The following DPYD variants were observed in gnomAD, a reference collection of about 807,000 sequenced individuals.
The protein encoded by DPYD is dihydropyrimidine dehydrogenase [NADP(+)].
Under a neutral mutation model 116.2 loss-of-function variants are expected in DPYD, and 109 were observed. That is an observed-to-expected ratio of 0.94 (90% CI 0.80 to 1.10). The LOEUF (loss-of-function observed/expected upper bound fraction) is 1.10, where lower values mean the gene tolerates loss of function less well. DPYD is among the 50% of genes least tolerant of loss of function. The pLI is 0.00. For missense variants in DPYD, 1,302 were observed against 1,254.5 expected (o/e 1.04, Z -0.57); for synonymous variants, 440 against 432.0 (o/e 1.02, Z -0.23).
intron 2 of DPYD, among the ~76,000 whole-genome samples, chr1:97,879,273 A>AT (rs35619235): frequency 1.8e-4 from 27 of 150,952 alleles, no homozygotes; most frequent in African/African-American, 2.4e-4. Context: ...TTCTCATTGT[A>AT]TTTTTTTTTA....
chr1:97,760,102 A>G (rs549150834), intron 3 of DPYD, among the ~76,000 whole-genome samples: 8 of 152,172 alleles, frequency 5.3e-5, no homozygotes, highest in Non-Finnish European at 1.0e-4. Context: ...GAGGCATAGA[A>G]TATAGAAGTA....
At chr1:97,362,388 C>A (rs544244059) in intron 16 of DPYD, among the ~76,000 whole-genome samples, 1 of 152,124 alleles carries the variant, frequency 6.6e-6, no homozygotes, top group Admixed American at 6.5e-5. Flanking sequence ...CAAGGTAATT[C>A]ATAGAATCAA....
chr1:97,215,827 A>T lies in DPYD; in HGVS notation c.2442+19025T>A, dbSNP rs1660344693. ...GTGTGGTATAAGATACTTGTGACTGAAAGTGACCTAAGCATTCTTTTTGCC... is the reference window on the plus strand; with the variant it reads ...GTGTGGTATAAGATACTTGTGACTGTAAGTGACCTAAGCATTCTTTTTGCC... On this transcript the variant is annotated intron_variant, in intron 19 of 22. Coordinates refer to ENST00000370192, the MANE Select transcript of DPYD (RefSeq NM_000110.4). Among the ~76,000 whole-genome samples, 2 of 152,194 alleles carry T rather than the reference A, an allele frequency of 1.3e-5. 1 individual carries two copies. Among genetic ancestry groups the T allele is most frequent in the South Asian group, 4.1e-4 (2 of 4,830 alleles).
chr1:97,344,347 A>G (rs532055434), intron 16 of DPYD, among the ~76,000 whole-genome samples: 115 of 152,026 alleles, frequency 7.6e-4, no homozygotes, highest in Non-Finnish European at 3.4e-4. Context: ...GTACCATTTC[A>G]TAACTCAGAA....
intron 5 of DPYD, chr1:97,721,060 T>A (rs1211948312): frequency 2.3e-6 from 3 of 1,300,508 alleles, no homozygotes; most frequent in Non-Finnish European, 2.1e-6. Flanking sequence ...ATAACATTAC[T>A]TAGTTTCAGG....
intron 3 of DPYD, among the ~76,000 whole-genome samples, chr1:97,814,960 G>A (rs1350463532): frequency 1.5e-5 from 2 of 137,050 alleles, no homozygotes; most frequent in East Asian, 2.1e-4. Context: ...AAAGAAAGGA[G>A]AGAAAGAAAG....
At chr1:97,610,216 G>T (rs1159222560) in intron 8 of DPYD, among the ~76,000 whole-genome samples, 1 of 151,852 alleles carries the variant, frequency 6.6e-6, no homozygotes, top group African/African-American at 2.4e-5. Flanking sequence ...CTTAAAAACA[G>T]CAAAATATTG....
intron 18 of DPYD, among the ~76,000 whole-genome samples, chr1:97,269,043 G>A (rs1177460180): frequency 1.3e-5 from 2 of 152,020 alleles, no homozygotes; most frequent in East Asian, 3.9e-4. Context: ...ATAGCACCTT[G>A]AATGCTTTGT....
rs1661825564 is a variant in DPYD, at chr1:97,704,794, C to A, written c.484-5247G>T. Among the ~76,000 whole-genome samples the A allele has an allele frequency of 2.0e-5, 3 of 151,796 alleles. No homozygotes were observed. The South Asian group carries it at 6.2e-4, about 31-fold the overall frequency. ...CAAATGTCAGTTGTCCATCAACTGACTAATATTCTATGATTTAATTTTTAA... is the reference window on the plus strand; with the variant it reads ...CAAATGTCAGTTGTCCATCAACTGAATAATATTCTATGATTTAATTTTTAA... On this transcript the variant is annotated intron_variant, in intron 5 of 22. Transcript: ENST00000370192.
intron 17 of DPYD, 69 bp downstream of exon 17, chr1:97,306,108 T>C: frequency 6.2e-7 from 1 of 1,607,900 alleles, no homozygotes; most frequent in Non-Finnish European, 8.5e-7. Flanking sequence ...AAAGACATAC[T>C]TGAGTATGGC....
At chr1:97,240,868 G>A (rs1210086017) in intron 18 of DPYD, among the ~76,000 whole-genome samples, 1 of 151,756 alleles carries the variant, frequency 6.6e-6, no homozygotes. Context: ...TAAATACATG[G>A]GACACACCTA....
chr1:97,910,409 T>C (rs1209323004), intron 1 of DPYD, among the ~76,000 whole-genome samples: 1 of 152,094 alleles, frequency 6.6e-6, no homozygotes, highest in Non-Finnish European at 1.5e-5. Flanking sequence ...AAACAATAGG[T>C]GGTAGCCATT....
Position 97,722,229 on chromosome 1 carries a change from G to C in DPYD, c.322-558C>G, listed in dbSNP as rs550144350. ...CAAAAGGAAGAATTGCATCTGACCAGTACTCCTGAAAACAATCAAGTACAT... is the reference window on the plus strand; with the variant it reads ...CAAAAGGAAGAATTGCATCTGACCACTACTCCTGAAAACAATCAAGTACAT... On this transcript the variant is annotated intron_variant, in intron 4 of 22. Coordinates refer to ENST00000370192, the MANE Select transcript of DPYD (RefSeq NM_000110.4). 2.0e-5 allele frequency among the ~76,000 whole-genome samples: 3 copies of C among 151,624 alleles called. No individual in the cohort carries two copies. The South Asian group carries it at 6.2e-4, about 31-fold the overall frequency.
chr1:97,454,583 T>C (rs146407040), intron 13 of DPYD, among the ~76,000 whole-genome samples: 1 of 152,040 alleles, frequency 6.6e-6, no homozygotes, highest in African/African-American at 2.4e-5. Flanking sequence ...AAGGAAGTGT[T>C]AGGTAATATC....
intron 8 of DPYD, among the ~76,000 whole-genome samples, chr1:97,667,175 G>T (rs1231750053): frequency 6.6e-6 from 1 of 152,042 alleles, no homozygotes; most frequent in East Asian, 1.9e-4. Context: ...AAATTTTGTA[G>T]ACAACTCACT....
At chr1:97,155,040 C>T (rs1054421282) in intron 20 of DPYD, among the ~76,000 whole-genome samples, 18 of 152,170 alleles carry the variant, frequency 1.2e-4, no homozygotes, top group African/African-American at 4.3e-4. Context: ...GCTATAAAGG[C>T]TGTCTGAACT....
intron 4 of DPYD, among the ~76,000 whole-genome samples, chr1:97,735,969 G>A (rs1456153493): frequency 6.6e-6 from 1 of 151,818 alleles, no homozygotes; most frequent in Non-Finnish European, 1.5e-5. Context: ...AAGAGTCATT[G>A]AGAACAAAGT....
intron 12 of DPYD, among the ~76,000 whole-genome samples, chr1:97,531,874 C>A (rs2102026146): frequency 6.6e-6 from 1 of 152,030 alleles, no homozygotes; most frequent in Non-Finnish European, 1.5e-5. Context: ...TTTATTCTTT[C>A]TGGTCTTATT....
chr1:97,158,974 A>G (rs1655688650), intron 20 of DPYD, among the ~76,000 whole-genome samples: 1 of 152,150 alleles, frequency 6.6e-6, no homozygotes, highest in African/African-American at 2.4e-5. Flanking sequence ...CGGGACTCTT[A>G]GGTGTGGAGA....
Sources: gnomAD v4.1 joint callset for allele counts (sites outside exome capture counted in the v4.1 genomes callset) on GRCh38, gnomAD v4.1.1 for gene constraint, MANE v1.5 for transcripts, NCBI Gene and HGNC (gene_info 2026-07-23, HGNC 2026-07-21) for gene names.